The following OLFML2B variants were observed in gnomAD, a reference collection of about 807,000 sequenced individuals.
The protein encoded by OLFML2B is olfactomedin like 2B.
In OLFML2B, 57 loss-of-function variants were observed where a neutral mutation model predicts 74.9. The observed-to-expected ratio is 0.76, with a 90% confidence interval of 0.61 to 0.95. The LOEUF (loss-of-function observed/expected upper bound fraction) is 0.95. Ranked by LOEUF, OLFML2B falls within the 40% of genes least tolerant of loss-of-function variation. The pLI, the probability that OLFML2B is intolerant of heterozygous loss-of-function variation, is 0.00. For synonymous variants in OLFML2B, 388 were observed against 405.8 expected (o/e 0.96, Z 0.53); for missense variants, 986 against 970.6 (o/e 1.02, Z -0.21).
rs1249607805 is a variant in OLFML2B at position 161,986,870 on chromosome 1, G to A, written c.1475-1890C>T. Among the ~76,000 whole-genome samples the A allele has an allele frequency of 2.0e-5, 3 of 152,354 alleles. No homozygotes were observed. In the East Asian group the frequency reaches 5.8e-4, roughly 29 times the overall value. The stretch of plus-strand genomic sequence containing the variant: ...CTGGCTCATGCCCTCAAGCCCCACA[G>A]ATGGCCATGAGGTGAGGTGTTTTCT... On this transcript the variant is annotated intron_variant, in intron 6 of 7. Coordinates refer to ENST00000294794, the MANE Select transcript of OLFML2B (RefSeq NM_015441.3).
At chr1:162,001,718 G>A (rs568258620) in intron 4 of OLFML2B, among the ~76,000 whole-genome samples, 36 of 152,286 alleles carry the variant, frequency 2.4e-4, no homozygotes, top group Middle Eastern at 6.8e-3. Context: ...ACTATTTAGG[G>A]ATGTTGCTAT....
At chr1:161,993,264 C>G (rs1689793332) in intron 6 of OLFML2B, among the ~76,000 whole-genome samples, 2 of 152,202 alleles carry the variant, frequency 1.3e-5, no homozygotes, top group African/African-American at 4.8e-5. Context: ...TCCTTCTTTG[C>G]CTAGCTAATT....
At chr1:161,991,691 G>A (rs1296792356) in intron 6 of OLFML2B, among the ~76,000 whole-genome samples, 6 of 152,218 alleles carry the variant, frequency 3.9e-5, no homozygotes, top group African/African-American at 7.2e-5. Flanking sequence ...AGCTGAAATC[G>A]TGCCACTGCA....
intron 4 of OLFML2B, among the ~76,000 whole-genome samples, chr1:162,002,536 C>T (rs561553590): frequency 6.6e-6 from 1 of 152,348 alleles, no homozygotes; most frequent in Middle Eastern, 3.4e-3. Flanking sequence ...AAACCAGGCT[C>T]TTGCTTTGAT....
In OLFML2B at chr1:161,983,953, G is replaced by C. The variant is rs779034494; in HGVS notation, c.1975C>G (p.Gln659Glu). 1.2e-6 allele frequency: 2 copies of C among 1,614,248 alleles called. No homozygotes were observed. The highest frequency in any genetic ancestry group is 1.7e-5 in the Admixed American group (1 of 60,030). The change falls in exon 8 of 8, where the codon CAG becomes GAG. Residue 659 changes from glutamine (Q) to glutamate (E), a missense_variant. Coordinates refer to ENST00000294794, the MANE Select transcript of OLFML2B (RefSeq NM_015441.3). ...SKLNAADLST[Q>E]KETTWRTGLR... ...CCCGTGCGCCATGTGGTCTCCTTCT[G>C]TGTGCTCAGGTCCGCGGCATTGAGC...
At chr1:162,000,365 A>G (rs1215785526) in intron 4 of OLFML2B, 27 bp from the exon 5 acceptor site, 1 of 1,597,766 alleles carries the variant, frequency 6.3e-7, no homozygotes, top group Non-Finnish European at 8.5e-7. Context: ...ACACAAGGGA[A>G]GGTCAGGTCA....
chr1:162,023,790 G>T lies in OLFML2B; in HGVS notation c.-360C>A. On this transcript the variant is annotated 5_prime_UTR_variant, in exon 1 of 8. Coordinates refer to ENST00000294794, the MANE Select transcript of OLFML2B (RefSeq NM_015441.3). Reference sequence around the variant, plus strand: ...GCCCGCGGTGCGCGCCGGGACGGGCGGCGGGGAGCCTCGGGACGCACGGGG... The same window carrying T: ...GCCCGCGGTGCGCGCCGGGACGGGCTGCGGGGAGCCTCGGGACGCACGGGG... 6.0e-6 allele frequency: 1 copy of T among 167,076 alleles called. No individual in the cohort carries two copies. The highest frequency in any genetic ancestry group is 6.4e-5 in the Admixed American group (1 of 15,650). The allele number at this position is 167,076 out of a possible 1,614,324, so 10.3% of individuals were successfully genotyped here. A position where few individuals can be genotyped will look rare whatever the true frequency, so the allele number is the denominator to read the frequency against.
At chr1:162,011,263 C>T (rs12121208) in intron 3 of OLFML2B, among the ~76,000 whole-genome samples, 3,843 of 152,282 alleles carry the variant, frequency 0.025, 75 homozygotes, top group Middle Eastern at 0.078. Context: ...TAGCTGGATG[C>T]GCACAGGGCT....
chr1:161,988,557 C>T (rs1012417433), intron 6 of OLFML2B, among the ~76,000 whole-genome samples: 77 of 108,946 alleles, frequency 7.1e-4, no homozygotes, highest in Admixed American at 2.1e-3. Context: ...CCCCCGCTGA[C>T]ACCCACCCAC....
intron 1 of OLFML2B, among the ~76,000 whole-genome samples, chr1:162,021,201 G>A (rs4657134): frequency 0.9 from 137,245 of 152,308 alleles, 61,899 homozygotes; most frequent in Admixed American, 0.92. Flanking sequence ...GAGGAAAGAG[G>A]CAGGTCCAGA....
At position 161,990,256 on chromosome 1, in the gene OLFML2B, T is replaced by G. The variant is rs79562089; in HGVS notation, c.1475-5276A>C. The stretch of plus-strand genomic sequence containing the variant: ...ATGAGTCATTTTGGTGGATTCTGCA[T>G]AAAAGTTGAAAGATCTTATATTTGC... On this transcript the variant is annotated intron_variant, in intron 6 of 7. Coordinates refer to ENST00000294794, the MANE Select transcript of OLFML2B (RefSeq NM_015441.3). Among the ~76,000 whole-genome samples, 1,172 of 152,368 alleles carry G rather than the reference T, an allele frequency of 7.7e-3. 9 individuals carry two copies. Among genetic ancestry groups the G allele is most frequent in the African/African-American group, 0.027 (1,118 of 41,584 alleles).
At chr1:162,006,590 C>A in intron 3 of OLFML2B, 117 bp from the exon 4 acceptor site, 2 of 806,570 alleles carry the variant, frequency 2.5e-6, no homozygotes, top group Non-Finnish European at 3.9e-6. Flanking sequence ...AGAAATCATC[C>A]AACAAGTGAT....
chr1:161,984,660 C>T (rs1244185164), intron 7 of OLFML2B, 144 bp downstream of exon 7: 2 of 851,908 alleles, frequency 2.3e-6, no homozygotes, highest in Admixed American at 4.8e-5. Context: ...AGGGGGACCG[C>T]TCTCCAAGGA....
At position 161,983,484 on chromosome 1, in the gene OLFML2B, C is replaced by T; in HGVS notation, c.*191G>A. The T allele has an allele frequency of 3.5e-6, 2 of 579,686 alleles. No individual in the cohort carries two copies. The highest frequency in any genetic ancestry group is 5.8e-6 in the Non-Finnish European group (2 of 342,912). The allele number at this position is 579,686 out of a possible 1,614,324, so 35.9% of individuals were successfully genotyped here. A position where few individuals can be genotyped will look rare whatever the true frequency, so the allele number is the denominator to read the frequency against. On this transcript the variant is annotated 3_prime_UTR_variant, in exon 8 of 8. Transcript: ENST00000294794. ...TAAACTGGGGAGGATGAGACCAGCA[C>T]ATACACGTATGGATTGATCTACAAT...
At chr1:161,985,218 CTT>C (rs1689559300) in intron 6 of OLFML2B, 1 of 443,658 alleles carries the variant, frequency 2.3e-6, no homozygotes, top group East Asian at 3.7e-5. Context: ...CACCACTATG[CTT>C]TGCTCCTGTT....
intron 4 of OLFML2B, among the ~76,000 whole-genome samples, chr1:162,005,928 A>G (rs949064558): frequency 3.4e-5 from 5 of 146,888 alleles, no homozygotes; most frequent in African/African-American, 7.6e-5. Flanking sequence ...AAAAAAAAAA[A>G]TCATGCCAGG....
chr1:162,023,540 C>A lies in OLFML2B; in HGVS notation c.-110G>T. 1 of 1,108,078 alleles carries A rather than the reference C, an allele frequency of 9.0e-7. No homozygotes were observed. The allele number at this position is 1,108,078 out of a possible 1,614,324, so 68.6% of individuals were successfully genotyped here. A position where few individuals can be genotyped will look rare whatever the true frequency, so the allele number is the denominator to read the frequency against. Reference sequence around the variant, plus strand: ...CCTCGCTAGAGCCCGAAAGTGGCTGCTGAGAGCACCTTCTAAAGCTGGGTG... The same window carrying A: ...CCTCGCTAGAGCCCGAAAGTGGCTGATGAGAGCACCTTCTAAAGCTGGGTG... On this transcript the variant is annotated 5_prime_UTR_variant, in exon 1 of 8. Transcript: ENST00000294794.
rs373350045 is a variant in OLFML2B, at chr1:161,997,856, G to A, written c.1443C>T (p.Pro481=). 8.1e-6 allele frequency: 13 copies of A among 1,613,764 alleles called. No homozygotes were observed. The highest frequency in any genetic ancestry group is 6.7e-5 in the African/African-American group (5 of 74,916). ...GTTPASPTLS[P]EEEDDIRNVI... is the part of the protein sequence containing the mutation. ...CATTCCGGATGTCATCTTCTTCTTC[G>A]GGGCTCAGCGTGGGGCTGGCAGGGG... Residue 481 remains proline (P), a synonymous_variant, in exon 6 of 8, where the codon CCC becomes CCT. Transcript: ENST00000294794.
intron 3 of OLFML2B, among the ~76,000 whole-genome samples, chr1:162,007,065 A>T (rs568321261): frequency 6.6e-6 from 1 of 152,370 alleles, no homozygotes; most frequent in East Asian, 1.9e-4. Context: ...CCATAAAAAC[A>T]GTTTCACTAA....
Sources: allele counts gnomAD v4.1 joint callset (sites outside exome capture counted in the v4.1 genomes callset), GRCh38; gene constraint gnomAD v4.1.1; transcripts MANE v1.5; gene names NCBI Gene and HGNC (gene_info 2026-07-23, HGNC 2026-07-21).